Variants in CSPG4 observed in about 807,000 individuals in gnomAD.
CSPG4 encodes chondroitin sulfate proteoglycan 4, also known as chondroitin sulfate proteoglycan 4 (melanoma-associated).
CSPG4 carries 74 observed loss-of-function variants against 139.3 expected under a neutral mutation model. That is an observed-to-expected ratio of 0.53 (90% confidence interval 0.44 to 0.64). The LOEUF (loss-of-function observed/expected upper bound fraction) is 0.64, where lower values mean the gene tolerates loss of function less well. Among genes scored for constraint, CSPG4 ranks in the 30% least tolerant of loss-of-function variants. The pLI is 0.00. For synonymous variants in CSPG4, 1,234 were observed against 1,394.2 expected (o/e 0.89, Z 2.56); for missense variants, 2,565 against 3,148.3 (o/e 0.81, Z 4.43).
intron 1 of CSPG4, among the ~76,000 whole-genome samples, chr15:75,709,823 A>C (rs1189119410): frequency 6.6e-6 from 1 of 152,030 alleles, no homozygotes; most frequent in African/African-American, 2.4e-5. Context: ...GGCGGGCAGC[A>C]CTAAAAGGCC....
chr15:75,687,789 C>T lies in CSPG4; in HGVS notation c.3276G>A (p.Leu1092=). The part of the protein sequence containing the change: ...TQEDLRKRRV[L]FVHSGADRGW... ...CACGGTCAGCCCCTGAGTGCACGAA[C>T]AGTACTCGCCTCTTCCTGAGGTCCT... The change falls in exon 3 of 10, where the codon CTG becomes CTA. Residue 1092 remains leucine, a synonymous_variant. Coordinates refer to ENST00000308508, the MANE Select transcript of CSPG4 (RefSeq NM_001897.5). This position sits in a 1 kb window ranked among gnomAD's most constrained non-coding sequence, Gnocchi z 5.4. 1 of 1,612,906 alleles carries T rather than the reference C, an allele frequency of 6.2e-7. No homozygotes were observed. Among genetic ancestry groups the T allele is most frequent in the Non-Finnish European group, 8.5e-7 (1 of 1,179,980 alleles).
chr15:75,686,266 C>T (rs185439641), intron 3 of CSPG4, among the ~76,000 whole-genome samples: 5 of 152,090 alleles, frequency 3.3e-5, no homozygotes, highest in South Asian at 2.1e-4. Flanking sequence ...TGTACACATG[C>T]GTGTGTGCAC....
intron 5 of CSPG4, among the ~76,000 whole-genome samples, chr15:75,684,145 G>A (rs999214444): frequency 1.3e-5 from 2 of 151,636 alleles, no homozygotes; most frequent in African/African-American, 4.8e-5. Context: ...GGGGTTCAAA[G>A]CCCTGCCATG....
chr15:75,694,039 C>T (rs755146401), intron 1 of CSPG4, among the ~76,000 whole-genome samples: 2 of 152,234 alleles, frequency 1.3e-5, no homozygotes, highest in African/African-American at 2.4e-5. Flanking sequence ...CAGTCAGATC[C>T]GGCCCCATTG....
Position 75,682,861 on chromosome 15 carries a change from C to G in CSPG4, c.4630G>C (p.Val1544Leu). 1 of 1,609,680 alleles carries G rather than the reference C, an allele frequency of 6.2e-7. No homozygotes were observed. Among genetic ancestry groups the G allele is most frequent in the Non-Finnish European group, 8.5e-7 (1 of 1,179,104 alleles). Reference protein sequence around the residue: ...FTQAQLDGGLVLFSHRGTLDG... With the variant: ...FTQAQLDGGLLLFSHRGTLDG... ...CACCCACCTCTGTGTGAGAACAGCA[C>G]GAGCCCGCCGTCCAGCTGGGCCTGC... The change falls in exon 6 of 10, where the codon GTG (valine) becomes CTG (leucine). Residue 1544 changes from valine to leucine, a missense_variant. By Grantham distance (32) the Val-to-Leu change is conservative (BLOSUM62 1). Transcript: ENST00000308508.
chr15:75,686,578 T>A, intron 3 of CSPG4, among the ~76,000 whole-genome samples: 1 of 152,288 alleles, frequency 6.6e-6, no homozygotes, highest in East Asian at 1.9e-4. Context: ...CCCCATTCTC[T>A]GCTCCTGATG....
chr15:75,678,122 C>T (rs1439270770), intron 8 of CSPG4, among the ~76,000 whole-genome samples: 3 of 152,176 alleles, frequency 2.0e-5, no homozygotes, highest in African/African-American at 4.8e-5. Context: ...CTGGGGAAAT[C>T]GCCTAATTTC....
chr15:75,697,356 G>A (rs1894241590), intron 1 of CSPG4, among the ~76,000 whole-genome samples: 1 of 152,200 alleles, frequency 6.6e-6, no homozygotes, highest in Non-Finnish European at 1.5e-5. Context: ...CCCGGCCTGG[G>A]GCCCCACCCT....
chr15:75,688,410 T>G lies in CSPG4; in HGVS notation c.2655A>C (p.Pro885=), dbSNP rs528748706. Residue 885 remains proline (P), a synonymous_variant, in exon 3 of 10, where the codon CCA becomes CCC. Transcript: ENST00000308508. Reference sequence around the variant, plus strand: ...CAATGTGGATGGGGAAGGTATAGAGTGGGGAGAAATATGGTGGAGCTGTGA... The same window carrying G: ...CAATGTGGATGGGGAAGGTATAGAGGGGGGAGAAATATGGTGGAGCTGTGA... ...FRVTAPPYFS[P]LYTFPIHIGG... 1 of 1,612,564 alleles carries G rather than the reference T, an allele frequency of 6.2e-7. No individual in the cohort carries two copies. The highest frequency in any genetic ancestry group is 1.3e-5 in the African/African-American group (1 of 74,768).
Position 75,690,687 on chromosome 15 carries a change from A to G in CSPG4, c.378T>C (p.Asp126=), listed in dbSNP as rs780888687. 5.0e-6 allele frequency: 8 copies of G among 1,612,942 alleles called. No homozygotes were observed. Among genetic ancestry groups the G allele is most frequent in the East Asian group, 4.5e-5 (2 of 44,888 alleles). ...CTGCTGAGGAGGCGTTCAGAAACCC[A>G]TCGACTGACAACGTGGCCCAGCCCT... ...VVEGWATLSV[D]GFLNASSAVP... The change falls in exon 3 of 10, where the codon GAT becomes GAC. Residue 126 remains aspartate, a synonymous_variant. Transcript: ENST00000308508.
rs1464922639 is a variant in CSPG4, at chr15:75,693,058, G to A, written c.252+12C>T. The A allele has an allele frequency of 3.0e-6, 4 of 1,327,650 alleles. No individual in the cohort carries two copies. The highest frequency in any genetic ancestry group is 4.2e-6 in the Non-Finnish European group (4 of 946,900). The allele number at this position is 1,327,650 out of a possible 1,614,324, so 82.2% of individuals were successfully genotyped here. On this transcript the variant is annotated intron_variant, in intron 2 of 9. Coordinates refer to ENST00000308508, the MANE Select transcript of CSPG4 (RefSeq NM_001897.5). Reference sequence around the variant, plus strand: ...CCGAATCCCGCCCAGATCTCAGGGGGACGTCACTCACCTGCAGGCGTCCAG... The same window carrying A: ...CCGAATCCCGCCCAGATCTCAGGGGAACGTCACTCACCTGCAGGCGTCCAG...
At position 75,675,007 on chromosome 15, in the gene CSPG4, C is replaced by G. The variant is rs1028239808; in HGVS notation, c.*543G>C. ...TTATGCCTTCTAGACTGGAGGCGCTCTCTCCTCTTGCCCTCTACTCCAGGG... is the reference window on the plus strand; with the variant it reads ...TTATGCCTTCTAGACTGGAGGCGCTGTCTCCTCTTGCCCTCTACTCCAGGG... On this transcript the variant is annotated 3_prime_UTR_variant, in exon 10 of 10. Coordinates refer to ENST00000308508, the MANE Select transcript of CSPG4 (RefSeq NM_001897.5). The G allele has an allele frequency of 1.5e-5, 6 of 393,920 alleles. No individual in the cohort carries two copies. Among genetic ancestry groups the G allele is most frequent in the Non-Finnish European group, 2.2e-5 (5 of 223,702 alleles). 24.4% of individuals were successfully genotyped at this position (393,920 alleles called of 1,614,324 possible).
chr15:75,675,646 G>A lies in CSPG4; in HGVS notation c.6873C>T (p.Gly2291=). Reference sequence around the variant, plus strand: ...GCTGGCCTCCTGGAGGGGGCCCCTGGCCAGGCACAGCTGTGAGCGGGATGG... The same window carrying A: ...GCTGGCCTCCTGGAGGGGGCCCCTGACCAGGCACAGCTGTGAGCGGGATGG... ...GQAIPLTAVP[G]QGPPPGGQPD... Residue 2291 remains glycine (G), a synonymous_variant, in exon 10 of 10, where the codon GGC becomes GGT. Coordinates refer to ENST00000308508, the MANE Select transcript of CSPG4 (RefSeq NM_001897.5). 1 of 1,522,734 alleles carries A rather than the reference G, an allele frequency of 6.6e-7. No individual in the cohort carries two copies. Among genetic ancestry groups the A allele is most frequent in the Non-Finnish European group, 8.8e-7 (1 of 1,135,676 alleles). The allele number at this position is 1,522,734 out of a possible 1,614,324, so 94.3% of individuals were successfully genotyped here. A position where few individuals can be genotyped will look rare whatever the true frequency, so the allele number is the denominator to read the frequency against.
chr15:75,683,689 C>T (rs1894011775), intron 5 of CSPG4, among the ~76,000 whole-genome samples: 1 of 152,108 alleles, frequency 6.6e-6, no homozygotes, highest in South Asian at 2.1e-4. Flanking sequence ...GTGCCTGTTC[C>T]TGAGGTCCTG....
At chr15:75,713,386 TCTCC>T (rs910977988), upstream of CSPG4, among the ~76,000 whole-genome samples, 27 of 152,076 alleles carry the variant, frequency 1.8e-4, no homozygotes, top group Admixed American at 1.6e-3. Flanking sequence ...CTCACCTCAG[TCTCC>T]CTGTCTGTAA....
chr15:75,689,628 G>A lies in CSPG4; in HGVS notation c.1437C>T (p.Gly479=), dbSNP rs775129052. The part of the protein sequence containing the change: ...LFSVTRGARH[G]ELELDIPGAQ... ...CTCCCGGGATGTCCAGCTCGAGCTC[G>A]CCATGGCGTGCCCCTCGGGTCACGC... Residue 479 remains glycine (G), a synonymous_variant, in exon 3 of 10, where the codon GGC becomes GGT. Coordinates refer to ENST00000308508, the MANE Select transcript of CSPG4 (RefSeq NM_001897.5). 6.8e-6 allele frequency: 11 copies of A among 1,612,752 alleles called. No homozygotes were observed. The highest frequency in any genetic ancestry group is 1.7e-4 in the Middle Eastern group (1 of 6,026).
intron 2 of CSPG4, among the ~76,000 whole-genome samples, chr15:75,691,801 A>G (rs1280418065): frequency 6.6e-6 from 1 of 152,144 alleles, no homozygotes; most frequent in African/African-American, 2.4e-5. Context: ...CCAGGGCACT[A>G]AGAACTATAA....
At position 75,689,294 on chromosome 15, in the gene CSPG4, T is replaced by A. The variant is rs1408308659; in HGVS notation, c.1771A>T (p.Thr591Ser). 6.2e-7 allele frequency: 1 copy of A among 1,610,602 alleles called. No homozygotes were observed. Among genetic ancestry groups the A allele is most frequent in the Non-Finnish European group, 8.5e-7 (1 of 1,179,738 alleles). ...GAGGAGGTGCCAAGGACCTGGAAGGTGAGGCCCTCACAGGCAGAGTCCGGG... is the reference window on the plus strand; with the variant it reads ...GAGGAGGTGCCAAGGACCTGGAAGGAGAGGCCCTCACAGGCAGAGTCCGGG... ...YDPDSACEGL[T>S]FQVLGTSSGL... The change falls in exon 3 of 10, where the codon ACC (threonine) becomes TCC (serine). Residue 591 changes from threonine to serine, a missense_variant. Thr to Ser is a moderately conservative substitution (Grantham distance 58). This residue lies in a region of CSPG4 where 2,316 missense variants were observed against 2,818.2 expected (regional missense o/e 0.82). Transcript: ENST00000308508.
Position 75,689,552 on chromosome 15 carries a change from G to C in CSPG4, c.1513C>G (p.Arg505Gly). ...TCCTCAGAGCCATCGTGGATGAAGC[G>C]GGCCTTGCGGTTCACCACGTCCAGG... ...TLLDVVNRKARFIHDGSEDTS... is the reference protein window; with the variant it reads ...TLLDVVNRKAGFIHDGSEDTS... The change falls in exon 3 of 10, where the codon CGC (arginine) becomes GGC (glycine). Residue 505 changes from arginine (R) to glycine (G), a missense_variant. Arg to Gly is a moderately radical substitution (Grantham distance 125). Coordinates refer to ENST00000308508, the MANE Select transcript of CSPG4 (RefSeq NM_001897.5). The C allele has an allele frequency of 6.2e-7, 1 of 1,612,738 alleles. No individual in the cohort carries two copies. The highest frequency in any genetic ancestry group is 8.5e-7 in the Non-Finnish European group (1 of 1,179,808).
Sources: allele counts gnomAD v4.1 joint callset (sites outside exome capture counted in the v4.1 genomes callset), GRCh38; gene constraint gnomAD v4.1.1; regional missense constraint gnomAD v4.1.1; non-coding constraint Gnocchi (gnomAD v3.1); transcripts MANE v1.5; gene names NCBI Gene and HGNC (gene_info 2026-07-23, HGNC 2026-07-21).